Variants in ATAD3C observed in about 807,000 individuals in gnomAD.
ATAD3C encodes ATPase family AAA domain containing 3C, also known as ATPase family AAA domain-containing protein 3C.
A neutral mutation model predicts 46.3 loss-of-function variants in ATAD3C; 38 were observed. The ratio of observed to expected loss-of-function variants is 0.82; its 90% CI spans 0.63 to 1.08. The LOEUF (loss-of-function observed/expected upper bound fraction) is 1.08. ATAD3C is among the 50% of genes least tolerant of loss of function. The pLI, the probability that ATAD3C is intolerant of heterozygous loss-of-function variation, is 0.00. For missense variants in ATAD3C, 563 were observed against 572.7 expected (o/e 0.98, Z 0.17); for synonymous variants, 220 against 236.4 (o/e 0.93, Z 0.63).
At chr1:1,452,812 G>GA (rs1638885634) in intron 3 of ATAD3C, among the ~76,000 whole-genome samples, 2 of 118,734 alleles carry the variant, frequency 1.7e-5, no homozygotes, top group African/African-American at 7.8e-5. Context: ...AAAAAAAAAA[G>GA]AAAGAAAGAA....
rs573784720 is a variant in ATAD3C at position 1,468,407 on chromosome 1, C to T, written c.1113C>T (p.Asp371=). 1.8e-5 allele frequency: 29 copies of T among 1,612,558 alleles called. 1 individual carries two copies. The highest frequency in any genetic ancestry group is 1.3e-4 in the African/African-American group (10 of 74,960). The change falls in exon 12 of 12, where the codon GAC becomes GAT. Residue 371 remains aspartate, a synonymous_variant. Transcript: ENST00000378785. ...AGGCCACGGCGTATGCCTCCAAGGA[C>T]GGGGTCCTGACCGAGGCCATGATGG... The part of the protein sequence containing the change: ...SWQATAYASK[D]GVLTEAMMDA...
At chr1:1,453,582 C>T (rs551599573) in intron 3 of ATAD3C, among the ~76,000 whole-genome samples, 32 of 151,866 alleles carry the variant, frequency 2.1e-4, no homozygotes, top group African/African-American at 7.7e-4. Context: ...AGTGATCCAC[C>T]CATCTTGGCC....
In ATAD3C at chr1:1,450,198, G is replaced by A. The variant is rs189196540; in HGVS notation, c.-486G>A. On this transcript the variant is annotated 5_prime_UTR_variant, in exon 1 of 12. Transcript: ENST00000378785. Reference sequence around the variant, plus strand: ...AAATTAGCCGGGTGTGGTGGCGGTCGCCTGTAGTCCCAGCTACTCGGGAGG... The same window carrying A: ...AAATTAGCCGGGTGTGGTGGCGGTCACCTGTAGTCCCAGCTACTCGGGAGG... The A allele has an allele frequency of 3.2e-3, 491 of 154,212 alleles. 4 individuals are homozygous for A. The highest frequency in any genetic ancestry group is 0.011 in the African/African-American group (462 of 41,396). The allele number at this position is 154,212 out of a possible 1,614,324, so 9.6% of individuals were successfully genotyped here.
intron 11 of ATAD3C, among the ~76,000 whole-genome samples, chr1:1,466,933 ATTC>A (rs1639154469): frequency 6.6e-6 from 1 of 151,960 alleles, no homozygotes; most frequent in African/African-American, 2.4e-5. Context: ...AGTGGTACTG[ATTC>A]TTCTTAATGT....
intron 8 of ATAD3C, among the ~76,000 whole-genome samples, chr1:1,458,953 T>TC (rs1334314665): frequency 6.6e-6 from 1 of 151,724 alleles, no homozygotes; most frequent in Non-Finnish European, 1.5e-5. Context: ...ACTCCCAACC[T>TC]CGTGTGATCT....
At chr1:1,461,645 G>GAGAGTCTCCTCATGA (rs1557780488) in intron 10 of ATAD3C, among the ~76,000 whole-genome samples, 10 of 149,854 alleles carry the variant, frequency 6.7e-5, no homozygotes, top group East Asian at 1.9e-4. Flanking sequence ...CCCCATGTAG[G>GAGAGTCTCCTCATGA]GACTGGAGGG....
Position 1,468,443 on chromosome 1 carries a change from G to T in ATAD3C, c.1149G>T (p.Val383=), listed in dbSNP as rs746388791. Residue 383 remains valine, a synonymous_variant, in exon 12 of 12, where the codon GTG becomes GTT. Transcript: ENST00000378785. ...VLTEAMMDAC[V]QDFVQQHQQM... ...CCGAGGCCATGATGGACGCCTGCGT[G>T]CAAGACTTTGTCCAGCAGCACCAGC... The T allele has an allele frequency of 1.2e-6, 2 of 1,613,202 alleles. No individual in the cohort carries two copies. The highest frequency in any genetic ancestry group is 1.7e-4 in the Middle Eastern group (1 of 6,058).
chr1:1,458,238 C>T (rs965921111), intron 8 of ATAD3C, among the ~76,000 whole-genome samples: 1 of 151,862 alleles, frequency 6.6e-6, no homozygotes, highest in African/African-American at 2.4e-5. Context: ...GCTGCTGCCT[C>T]CCAAAATGCT....
Position 1,455,820 on chromosome 1 carries a change from C to G in ATAD3C, c.468C>G (p.Ile156Met). The change falls in exon 6 of 12, where the codon ATC becomes ATG. Residue 156 changes from isoleucine to methionine, a missense_variant. Coordinates refer to ENST00000378785, the MANE Select transcript of ATAD3C (RefSeq NM_001039211.3). The stretch of plus-strand genomic sequence containing the variant: ...GCCTGGAAGCACGGGTGCGCGACAT[C>G]GCCATAATGACAAGGAACATCAAGA... ...SPSLEARVRDIAIMTRNIKKN... is the reference protein window; with the variant it reads ...SPSLEARVRDMAIMTRNIKKN... 2 of 1,613,480 alleles carry G rather than the reference C, an allele frequency of 1.2e-6. No homozygotes were observed. The highest frequency in any genetic ancestry group is 1.7e-6 in the Non-Finnish European group (2 of 1,179,692).
intron 4 of ATAD3C, among the ~76,000 whole-genome samples, chr1:1,455,248 G>C (rs935057240): frequency 3.9e-5 from 5 of 128,552 alleles, no homozygotes; most frequent in East Asian, 4.6e-4. Flanking sequence ...AAAAAACCCA[G>C]AAAAAAGAGA....
chr1:1,467,616 G>A (rs948739919), intron 11 of ATAD3C, among the ~76,000 whole-genome samples: 12 of 152,066 alleles, frequency 7.9e-5, no homozygotes, highest in South Asian at 2.1e-4. Context: ...GCATAGCTGG[G>A]ATGGGGCTAG....
chr1:1,458,761 C>T (rs1465111935), intron 8 of ATAD3C, among the ~76,000 whole-genome samples: 2 of 150,740 alleles, frequency 1.3e-5, no homozygotes, highest in African/African-American at 4.9e-5. Context: ...CTCACTCTGT[C>T]GCCCATGCTG....
rs574161074 is a variant in ATAD3C at position 1,459,213 on chromosome 1, C to T, written c.794C>T (p.Thr265Met). Residue 265 changes from threonine to methionine, a missense_variant, in exon 9 of 12, where the codon ACG (threonine) becomes ATG (methionine). Thr to Met is a moderately conservative substitution (Grantham distance 81). Around this residue, in one of 3 missense-constraint regions of ATAD3C, gnomAD observed 273 missense variants for 253.5 expected, o/e 1.08. Transcript: ENST00000378785. The surrounding 1 kb of genome is among the most constrained non-coding windows in gnomAD (Gnocchi z 4.9). ...RATLNAFLYR[T>M]GQHSNKFMLI... is the part of the protein sequence containing the mutation. ...ACACTGAACGCCTTCCTGTACCGCA[C>T]GGGCCAGCACAGCAACAAGTGAGGG... The T allele has an allele frequency of 3.2e-5, 51 of 1,612,496 alleles. No homozygotes were observed. The highest frequency in any genetic ancestry group is 2.3e-4 in the African/African-American group (17 of 74,944).
rs200328897 is a variant in ATAD3C, at chr1:1,462,038, CA to C, written c.981-561del. 8.3e-3 allele frequency among the ~76,000 whole-genome samples: 1,260 copies of C among 152,176 alleles called. 23 individuals are homozygous for C. The highest frequency in any genetic ancestry group is 0.029 in the African/African-American group (1,203 of 41,548). On this transcript the variant is annotated intron_variant, in intron 10 of 11. Coordinates refer to ENST00000378785, the MANE Select transcript of ATAD3C (RefSeq NM_001039211.3). The surrounding 1 kb of genome is among the most constrained non-coding windows in gnomAD (Gnocchi z 4.5). ...AGGCTGCTCTACTTCTTGGCGTCCCCAGGGCCCCGGTTTCTGAGTCCTTCTG... is the reference window on the plus strand; with the variant it reads ...AGGCTGCTCTACTTCTTGGCGTCCCCGGGCCCCGGTTTCTGAGTCCTTCTG...
rs779412858 is a variant in ATAD3C at position 1,468,633 on chromosome 1, C to T, written c.*103C>T. ...GGAAATACTCCCCGTAATAAAGTCCCACGGGGGCCGCACCGCTGTGTCTAT... is the reference window on the plus strand; with the variant it reads ...GGAAATACTCCCCGTAATAAAGTCCTACGGGGGCCGCACCGCTGTGTCTAT... On this transcript the variant is annotated 3_prime_UTR_variant, in exon 12 of 12. Transcript: ENST00000378785. 3 of 1,576,946 alleles carry T rather than the reference C, an allele frequency of 1.9e-6. No homozygotes were observed. The Admixed American group carries it at 5.3e-5, about 28-fold the overall frequency.
intron 7 of ATAD3C, among the ~76,000 whole-genome samples, chr1:1,456,857 C>G (rs1029840492): frequency 1.5e-4 from 23 of 151,930 alleles, no homozygotes; most frequent in African/African-American, 5.6e-4. Flanking sequence ...CCCCTCTGGC[C>G]TTTGACCTTT....
Position 1,460,968 on chromosome 1 carries a change from C to T in ATAD3C, c.980+51C>T, listed in dbSNP as rs924138551. The T allele has an allele frequency of 6.5e-6, 10 of 1,543,404 alleles. No individual in the cohort carries two copies. The Admixed American group carries it at 1.1e-4, about 17-fold the overall frequency. On this transcript the variant is annotated intron_variant, in intron 10 of 11. Coordinates refer to ENST00000378785, the MANE Select transcript of ATAD3C (RefSeq NM_001039211.3). ...CGTCCAGGGGCCCTCGCTCAGGGTC[C>T]ACCCCTGCTCCTGTTCTCCGGACAC... is the stretch of plus-strand genomic sequence containing the variant.
At position 1,469,120 on chromosome 1, in the gene ATAD3C, A is replaced by G. The variant is rs1243876674; in HGVS notation, c.*590A>G. 1 of 147,638 alleles carries G rather than the reference A, an allele frequency of 6.8e-6. No homozygotes were observed. The highest frequency in any genetic ancestry group is 1.5e-5 in the Non-Finnish European group (1 of 67,306). 9.1% of individuals were successfully genotyped at this position (147,638 alleles called of 1,614,324 possible). A position where few individuals can be genotyped will look rare whatever the true frequency, so the allele number is the denominator to read the frequency against. ...CTCCTAAAAAAAAAAAAAAAAAAAAAAAAAAAAAAAAAAAAATTAGCCGGC... is the reference window on the plus strand; with the variant it reads ...CTCCTAAAAAAAAAAAAAAAAAAAAGAAAAAAAAAAAAAAAATTAGCCGGC... On this transcript the variant is annotated 3_prime_UTR_variant, in exon 12 of 12. Coordinates refer to ENST00000378785, the MANE Select transcript of ATAD3C (RefSeq NM_001039211.3).
At chr1:1,457,900 T>A (rs1158487003) in intron 8 of ATAD3C, among the ~76,000 whole-genome samples, 1 of 151,068 alleles carries the variant, frequency 6.6e-6, no homozygotes, top group African/African-American at 2.4e-5. Context: ...ATGGTCTAGA[T>A]CTCTTGACCT....
Sources: gnomAD v4.1 joint callset for allele counts (sites outside exome capture counted in the v4.1 genomes callset) on GRCh38, gnomAD v4.1.1 for gene constraint, gnomAD v4.1.1 regional missense constraint, Gnocchi (gnomAD v3.1) non-coding constraint, MANE v1.5 for transcripts, NCBI Gene and HGNC (gene_info 2026-07-23, HGNC 2026-07-21) for gene names.